The following MUC6 variants were observed in gnomAD, a reference collection of about 807,000 sequenced individuals.
MUC6 encodes the protein mucin-6.
Under a neutral mutation model 201.5 loss-of-function variants are expected in MUC6, and 188 were observed. The ratio of observed to expected loss-of-function variants is 0.93; its 90% confidence interval spans 0.83 to 1.05. MUC6 has a LOEUF of 1.05. Among genes scored for constraint, MUC6 ranks in the 50% least tolerant of loss-of-function variants. The pLI is 0.00. For synonymous variants in MUC6, 1,228 were observed against 1,389.4 expected, an observed-to-expected ratio of 0.88 and a Z score of 2.58; for missense variants, 2,706 against 3,256.9, an observed-to-expected ratio of 0.83 and a Z score of 4.12.
intron 24 of MUC6, among the ~76,000 whole-genome samples, chr11:1,024,576 T>C (rs1856905421): frequency 6.6e-6 from 1 of 152,224 alleles, no homozygotes; most frequent in Non-Finnish European, 1.5e-5. Context: ...CAGGCGATGC[T>C]GCCCCAGGGG....
chr11:1,026,365 G>A lies in MUC6; in HGVS notation c.2508C>T (p.Tyr836=). Residue 836 remains tyrosine, a synonymous_variant, in exon 20 of 33, where the codon TAC becomes TAT. Coordinates refer to ENST00000421673, the MANE Select transcript of MUC6 (RefSeq NM_005961.3). ...CAGTGTGGAGCTCAGCTCCTCCAGG[G>A]TAGGAGACCCCCGAGAACTCACATG... ...ECPCEFSGVS[Y]PGGAELHTDC... The A allele has an allele frequency of 1.2e-6, 2 of 1,602,544 alleles. No individual in the cohort carries two copies. Among genetic ancestry groups the A allele is most frequent in the East Asian group, 2.2e-5 (1 of 44,720 alleles).
At position 1,020,210 on chromosome 11, in the gene MUC6, T is replaced by C; in HGVS notation, c.3688A>G (p.Ile1230Val). Reference protein sequence around the residue: ...VWPMTGTSTTIGLLSSTGPSP... With the variant: ...VWPMTGTSTTVGLLSSTGPSP... ...GGTCCGGTGGAGCTGAGAAGCCCGA[T>C]GGTGGTGGAGGTTCCCGTCATGGGC... The change falls in exon 29 of 33, where the codon ATC (isoleucine) becomes GTC (valine). Residue 1230 changes from isoleucine to valine, a missense_variant. Ile to Val is a conservative substitution (Grantham distance 29). This residue lies in a region of MUC6 where 1,850 missense variants were observed against 1,958.3 expected (regional missense o/e 0.94). Transcript: ENST00000421673. The C allele has an allele frequency of 1.2e-6, 2 of 1,611,148 alleles. No individual in the cohort carries two copies. The highest frequency in any genetic ancestry group is 1.7e-6 in the Non-Finnish European group (2 of 1,179,340).
chr11:1,026,850 A>G, intron 19 of MUC6, 91 bp downstream of exon 19: 2 of 1,289,988 alleles, frequency 1.6e-6, no homozygotes, highest in Non-Finnish European at 2.1e-6. Context: ...GCAGGGCAGA[A>G]TGCGGCCAGG....
intron 8 of MUC6, 140 bp downstream of exon 8, chr11:1,030,073 G>C: frequency 3.5e-6 from 4 of 1,139,748 alleles, no homozygotes; most frequent in Non-Finnish European, 2.4e-6. Context: ...CCTGTCCCAG[G>C]GCAAGAGGCG....
Position 1,019,391 on chromosome 11 carries a change from G to A in MUC6, c.3914C>T (p.Thr1305Ile), listed in dbSNP as rs1328370550. The A allele has an allele frequency of 6.2e-7, 1 of 1,613,690 alleles. No homozygotes were observed. Among genetic ancestry groups the A allele is most frequent in the Non-Finnish European group, 8.5e-7 (1 of 1,179,730 alleles). Residue 1305 changes from threonine (T) to isoleucine (I), a missense_variant, in exon 30 of 33, where the codon ACA (threonine) becomes ATA (isoleucine). Thr to Ile is a moderately conservative substitution (Grantham distance 89). Coordinates refer to ENST00000421673, the MANE Select transcript of MUC6 (RefSeq NM_005961.3). The stretch of plus-strand genomic sequence containing the variant: ...GGCGGTCGACGCCGTGGCCCTGGTT[G>A]TGGCCTGGGTCACTGTGGGTTTTGT... ...TATKPTVTQA[T>I]TRATASTASP...
At chr11:1,018,795 T>C in intron 30 of MUC6, 25 bp from the exon 31 acceptor site, 1 of 1,537,438 alleles carries the variant, frequency 6.5e-7, no homozygotes, top group Non-Finnish European at 8.7e-7. Context: ...GAAGTTGTCA[T>C]CGTTATTGTT....
In MUC6 at chr11:1,029,045, C is replaced by G; in HGVS notation, c.1380+1G>C. On this transcript the variant is annotated splice_donor_variant, in intron 11 of 32. Transcript: ENST00000421673. LOFTEE classifies it high-confidence loss of function. Reference sequence around the variant, plus strand: ...AGGGATGGGCGCAGGAAAGGCCTTACCTGCCTGGAGAGGTAGACCACAGCC... The same window carrying G: ...AGGGATGGGCGCAGGAAAGGCCTTAGCTGCCTGGAGAGGTAGACCACAGCC... 6.2e-7 allele frequency: 1 copy of G among 1,612,832 alleles called. No homozygotes were observed. The highest frequency in any genetic ancestry group is 8.5e-7 in the Non-Finnish European group (1 of 1,179,808).
At position 1,016,484 on chromosome 11, in the gene MUC6, G is replaced by A. The variant is rs1471420648; in HGVS notation, c.6317C>T (p.Pro2106Leu). Residue 2106 changes from proline (P) to leucine (L), a missense_variant, in exon 31 of 33, where the codon CCT (proline) becomes CTT (leucine). By Grantham distance (98) the Pro-to-Leu change is moderately conservative (BLOSUM62 -3). This residue lies in a region of MUC6 where 586 missense variants were observed against 488.0 expected (regional missense o/e 1.20). Coordinates refer to ENST00000421673, the MANE Select transcript of MUC6 (RefSeq NM_005961.3). ...CAAGTGGGGGAGTTGTGTGGTGATA[G>A]GTGATGACGGTGGCCTTGAGCTAGA... ...QNSSSRPPSSPITTQLPHLSS... is the reference protein window; with the variant it reads ...QNSSSRPPSSLITTQLPHLSS... The A allele has an allele frequency of 6.2e-7, 1 of 1,613,794 alleles. No homozygotes were observed. Among genetic ancestry groups the A allele is most frequent in the South Asian group, 1.1e-5 (1 of 91,062 alleles).
chr11:1,036,110 T>TC (rs1564847890), intron 1 of MUC6, among the ~76,000 whole-genome samples: 3 of 151,564 alleles, frequency 2.0e-5, no homozygotes, highest in Non-Finnish European at 1.5e-5. Context: ...TCCCCCCTCT[T>TC]CCCCCCACGG....
In MUC6 at chr11:1,031,634, G is replaced by A. The variant is rs757092464; in HGVS notation, c.456C>T (p.Val152=). The part of the protein sequence containing the change: ...VAKQLELELE[V]VWGPDSHLMV... ...TGAGGTGGCTGTCAGGACCCCACACGACTTCCAGCTCCAGCTCCAGCTGCT... is the reference window on the plus strand; with the variant it reads ...TGAGGTGGCTGTCAGGACCCCACACAACTTCCAGCTCCAGCTCCAGCTGCT... Residue 152 remains valine (V), a synonymous_variant, in exon 4 of 33, where the codon GTC becomes GTT. Coordinates refer to ENST00000421673, the MANE Select transcript of MUC6 (RefSeq NM_005961.3). The A allele has an allele frequency of 2.0e-5, 31 of 1,549,652 alleles. No individual in the cohort carries two copies. Among genetic ancestry groups the A allele is most frequent in the South Asian group, 1.3e-4 (11 of 84,030 alleles).
rs1226975601 is a variant in MUC6 at position 1,024,026 on chromosome 11, C to G, written c.3303G>C (p.Leu1101=). Residue 1101 remains leucine, a synonymous_variant, in exon 25 of 33, where the codon CTG becomes CTC. Transcript: ENST00000421673. The part of the protein sequence containing the change: ...GCDSGGDCEC[L]CDAVAAYAQA... ...GGGCGTAGGCAGCCACGGCATCGCA[C>G]AGACACTCACAGTCCCCGCCACTGT... The G allele has an allele frequency of 3.1e-6, 5 of 1,611,636 alleles. No homozygotes were observed. Among genetic ancestry groups the G allele is most frequent in the Non-Finnish European group, 4.2e-6 (5 of 1,179,474 alleles).
intron 26 of MUC6, among the ~76,000 whole-genome samples, chr11:1,022,893 G>A (rs1856849396): frequency 6.6e-6 from 1 of 152,134 alleles, no homozygotes; most frequent in African/African-American, 2.4e-5. Flanking sequence ...GTGAGTGAAT[G>A]TTGAATGAAT....
In MUC6 at chr11:1,019,262, C is replaced by T. The variant is rs763948545; in HGVS notation, c.4030+13G>A. The T allele has an allele frequency of 3.7e-5, 59 of 1,612,878 alleles. No individual in the cohort carries two copies. The highest frequency in any genetic ancestry group is 1.6e-4 in the Middle Eastern group (1 of 6,082). The stretch of plus-strand genomic sequence containing the variant: ...CTTCGGCAGTGCTGGCATCCCATGG[C>T]GCCATGACTTACGCAGCGTGGGGCT... On this transcript the variant is annotated intron_variant, in intron 30 of 32. Transcript: ENST00000421673.
At chr11:1,025,784 A>C in intron 22 of MUC6, 21 bp downstream of exon 22, 47 of 1,595,798 alleles carry the variant, frequency 2.9e-5, no homozygotes, top group Middle Eastern at 1.7e-4. Flanking sequence ...CTGCCCTGCC[A>C]GAGTCTGCCC....
chr11:1,028,162 A>T (rs1006172198), intron 14 of MUC6, 64 bp downstream of exon 14: 3 of 1,538,268 alleles, frequency 2.0e-6, no homozygotes, highest in Admixed American at 2.0e-5. Flanking sequence ...GGTCCAGTCC[A>T]GGGGTCTGTC....
In MUC6 at chr11:1,026,121, C is replaced by T. The variant is rs775557862; in HGVS notation, c.2567G>A (p.Trp856Ter). 3.1e-6 allele frequency: 5 copies of T among 1,598,554 alleles called. No homozygotes were observed. The African/African-American group carries it at 4.0e-5, about 13-fold the overall frequency. The change falls in exon 21 of 33, where the codon TGG (tryptophan) becomes TAG (stop). Residue 856 changes from tryptophan to a stop codon, truncating the protein, a stop_gained. Transcript: ENST00000421673. LOFTEE classifies it high-confidence loss of function. The part of the protein sequence containing the change: ...CRTCSCSRGR[W>*]ACQQGTHCPS... ...GCAGTGGGTGCCCTGCTGACAGGCC[C>T]ACCTCCCCCTTGAGCAGGAGCTGTG... is the stretch of plus-strand genomic sequence containing the variant.
At chr11:1,021,143 G>A in intron 27 of MUC6, 72 bp downstream of exon 27, 2 of 1,394,560 alleles carry the variant, frequency 1.4e-6, no homozygotes, top group Non-Finnish European at 1.9e-6. Flanking sequence ...TCCCTTGTTT[G>A]TGGGATGTGG....
chr11:1,025,469 T>C, intron 22 of MUC6, 102 bp from the exon 23 acceptor site: 5 of 1,379,082 alleles, frequency 3.6e-6, no homozygotes, highest in Non-Finnish European at 4.0e-6. Flanking sequence ...CCAGGTCTGT[T>C]AAGGCCATGC....
intron 29 of MUC6, 80 bp downstream of exon 29, chr11:1,020,010 C>A (rs1162045256): frequency 6.7e-7 from 1 of 1,501,468 alleles, no homozygotes; most frequent in East Asian, 2.4e-5. Context: ...GAAGCAGGGC[C>A]ATCCCTAAGC....
Sources: allele counts gnomAD v4.1 joint callset (sites outside exome capture counted in the v4.1 genomes callset), GRCh38; gene constraint gnomAD v4.1.1; regional missense constraint gnomAD v4.1.1; transcripts MANE v1.5; gene names NCBI Gene and HGNC (gene_info 2026-07-23, HGNC 2026-07-21).